SSX2IP: variants seen among roughly 807,000 people sequenced by gnomAD.
The protein encoded by SSX2IP is afadin- and alpha-actinin-binding protein.
In SSX2IP, 55 loss-of-function variants were observed where a neutral mutation model predicts 84.9. The ratio of observed to expected loss-of-function variants is 0.65; its 90% confidence interval spans 0.52 to 0.81. The LOEUF is 0.81. SSX2IP is among the 30% of genes least tolerant of loss of function. The pLI is 0.00. For missense variants in SSX2IP, 664 were observed against 705.2 expected, an observed-to-expected ratio of 0.94 and a Z score of 0.66; for synonymous variants, 239 against 234.7, an observed-to-expected ratio of 1.02 and a Z score of -0.17.
chr1:84,674,233 AT>A (rs1265860988), intron 1 of SSX2IP, among the ~76,000 whole-genome samples: 1 of 152,204 alleles, frequency 6.6e-6, no homozygotes, highest in Non-Finnish European at 1.5e-5. Context: ...GAGATAAGTC[AT>A]AAAGTATTTA....
At chr1:84,680,966 C>A (rs1479975582) in intron 1 of SSX2IP, among the ~76,000 whole-genome samples, 1 of 151,948 alleles carries the variant, frequency 6.6e-6, no homozygotes, top group East Asian at 1.9e-4. Context: ...TCTGAACCAC[C>A]AAAACCAATG....
chr1:84,687,062 CTCAG>C (rs376720521), intron 1 of SSX2IP, among the ~76,000 whole-genome samples: 1 of 152,164 alleles, frequency 6.6e-6, no homozygotes, highest in East Asian at 1.9e-4. Context: ...ATATTAAGTG[CTCAG>C]TAAGTATGAG....
intron 9 of SSX2IP, chr1:84,658,108 C>T: frequency 1.9e-6 from 1 of 518,030 alleles, no homozygotes; most frequent in South Asian, 2.7e-5. Context: ...TACACTCTAG[C>T]CTGGGTGACC....
intron 1 of SSX2IP, among the ~76,000 whole-genome samples, chr1:84,679,535 C>T (rs1335726521): frequency 6.6e-6 from 1 of 152,176 alleles, no homozygotes. Flanking sequence ...TTGGAAAGTA[C>T]AGTGCAAACA....
At chr1:84,682,154 T>C (rs960242361) in intron 1 of SSX2IP, among the ~76,000 whole-genome samples, 4 of 152,246 alleles carry the variant, frequency 2.6e-5, no homozygotes, top group Non-Finnish European at 5.9e-5. Context: ...GTACACCATC[T>C]GATATTCCAT....
intron 11 of SSX2IP, among the ~76,000 whole-genome samples, chr1:84,652,937 C>A (rs1469850622): frequency 1.3e-5 from 2 of 151,916 alleles, no homozygotes; most frequent in Admixed American, 6.6e-5. Flanking sequence ...GAGGCTGAGG[C>A]AGGAGAATGG....
At chr1:84,656,033 C>T in intron 10 of SSX2IP, 28 bp from the exon 11 acceptor site, 1 of 1,590,118 alleles carries the variant, frequency 6.3e-7, no homozygotes, top group Non-Finnish European at 8.6e-7. Context: ...ATAGTAAGTT[C>T]CTGAGGGACC....
chr1:84,676,908 T>C (rs1414173673), intron 1 of SSX2IP, among the ~76,000 whole-genome samples: 1 of 151,996 alleles, frequency 6.6e-6, no homozygotes, highest in African/African-American at 2.4e-5. Flanking sequence ...AGAGATGGTG[T>C]TTCACCATGT....
rs1161553979 is a variant in SSX2IP at position 84,645,705 on chromosome 1, T to C, written c.*1728A>G. 1 of 152,196 alleles carries C rather than the reference T, an allele frequency of 6.6e-6. No homozygotes were observed. Among genetic ancestry groups the C allele is most frequent in the African/African-American group, 2.4e-5 (1 of 41,464 alleles). 9.4% of individuals were successfully genotyped at this position (152,196 alleles called of 1,614,324 possible). Reference sequence around the variant, plus strand: ...CCTTTTTGACCATGTTATTGCTAAATAGCAAAACAAACAAAAACAAAAACA... The same window carrying C: ...CCTTTTTGACCATGTTATTGCTAAACAGCAAAACAAACAAAAACAAAAACA... On this transcript the variant is annotated 3_prime_UTR_variant, in exon 14 of 14. Coordinates refer to ENST00000342203, the MANE Select transcript of SSX2IP (RefSeq NM_001166293.2).
chr1:84,669,257 C>A (rs1653188824), intron 4 of SSX2IP, among the ~76,000 whole-genome samples: 1 of 151,704 alleles, frequency 6.6e-6, no homozygotes, highest in African/African-American at 2.4e-5. Flanking sequence ...GGGAAGTTAT[C>A]TAGTCTGATT....
chr1:84,646,431 C>A lies in SSX2IP; in HGVS notation c.*1002G>T, dbSNP rs1054337861. On this transcript the variant is annotated 3_prime_UTR_variant, in exon 14 of 14. Transcript: ENST00000342203. ...TATCATATTTCTTCAGTGGTAAATA[C>A]CTCATTAAAAAATTATTAAAAAATT... is the stretch of plus-strand genomic sequence containing the variant. 6.6e-6 allele frequency: 1 copy of A among 152,328 alleles called. No individual in the cohort carries two copies. The highest frequency in any genetic ancestry group is 2.4e-5 in the African/African-American group (1 of 41,344). 9.4% of individuals were successfully genotyped at this position (152,328 alleles called of 1,614,324 possible).
At chr1:84,680,098 T>C (rs1291915402) in intron 1 of SSX2IP, among the ~76,000 whole-genome samples, 1 of 152,152 alleles carries the variant, frequency 6.6e-6, no homozygotes, top group Admixed American at 6.5e-5. Context: ...ACACATAAAT[T>C]ATGGTACAAT....
At chr1:84,673,318 G>T (rs6680897) in intron 1 of SSX2IP, among the ~76,000 whole-genome samples, 4 of 152,162 alleles carry the variant, frequency 2.6e-5, no homozygotes, top group East Asian at 3.9e-4. Flanking sequence ...GGAGTCAGCC[G>T]CAAGAAAATC....
At chr1:84,652,121 A>G in intron 11 of SSX2IP, 124 bp from the exon 12 acceptor site, 1 of 685,400 alleles carries the variant, frequency 1.5e-6, no homozygotes, top group Non-Finnish European at 2.5e-6. Context: ...CTTATGTCAA[A>G]TGAGTTAACC....
At chr1:84,651,749 G>T in intron 12 of SSX2IP, 134 bp downstream of exon 12, 2 of 592,392 alleles carry the variant, frequency 3.4e-6, no homozygotes, top group Non-Finnish European at 5.7e-6. Context: ...AAAAAAAGTT[G>T]ACTTTTAGTT....
At chr1:84,668,638 G>T (rs1455592758) in intron 4 of SSX2IP, among the ~76,000 whole-genome samples, 4 of 152,074 alleles carry the variant, frequency 2.6e-5, no homozygotes, top group African/African-American at 9.7e-5. Context: ...TTCCCATGTA[G>T]GCCAACTCTA....
At chr1:84,671,438 G>T (rs1653563946) in intron 1 of SSX2IP, 130 bp from the exon 2 acceptor site, 1 of 580,900 alleles carries the variant, frequency 1.7e-6, no homozygotes, top group Non-Finnish European at 2.6e-6. Flanking sequence ...CCCATGCACA[G>T]ATATAGAACA....
chr1:84,675,695 GC>G (rs1188492955), intron 1 of SSX2IP, among the ~76,000 whole-genome samples: 2 of 152,130 alleles, frequency 1.3e-5, no homozygotes, highest in African/African-American at 4.8e-5. Context: ...ACATCTGATT[GC>G]TTCCTATGCC....
In SSX2IP at chr1:84,646,111, A is replaced by G. The variant is rs891183045; in HGVS notation, c.*1322T>C. The G allele has an allele frequency of 6.6e-6, 1 of 152,628 alleles. No individual in the cohort carries two copies. Among genetic ancestry groups the G allele is most frequent in the Non-Finnish European group, 1.5e-5 (1 of 68,046 alleles). 9.5% of individuals were successfully genotyped at this position (152,628 alleles called of 1,614,324 possible). ...GCATGTAAGCGGCTGAACTGCCAGT[A>G]CAGGGGAAGGTAAATGGGCCTAAAC... On this transcript the variant is annotated 3_prime_UTR_variant, in exon 14 of 14. Transcript: ENST00000342203.
Sources: gnomAD v4.1 joint callset for allele counts (sites outside exome capture counted in the v4.1 genomes callset) on GRCh38, gnomAD v4.1.1 for gene constraint, MANE v1.5 for transcripts, NCBI Gene and HGNC (gene_info 2026-07-23, HGNC 2026-07-21) for gene names.